Variants in EAF2 observed in about 807,000 individuals in gnomAD.
EAF2 encodes ELL-associated factor 2.
EAF2 carries 29 observed loss-of-function variants against 29.4 expected under a neutral mutation model. That is an observed-to-expected ratio of 0.99 (90% confidence interval 0.73 to 1.35). The LOEUF is 1.35. Among genes scored for constraint, EAF2 ranks in the 40% most tolerant of loss-of-function variants. The pLI, the probability that EAF2 is intolerant of heterozygous loss-of-function variation, is 0.00. For missense variants in EAF2, 292 were observed against 312.0 expected (o/e 0.94, Z 0.48); for synonymous variants, 103 against 102.5 (o/e 1.00, Z -0.03).
chr3:121,852,170 A>G (rs1206097047), intron 2 of EAF2, among the ~76,000 whole-genome samples: 1 of 152,192 alleles, frequency 6.6e-6, no homozygotes, highest in Non-Finnish European at 1.5e-5. Flanking sequence ...TTAAAAATTA[A>G]TGATTAGTTC....
intron 2 of EAF2, among the ~76,000 whole-genome samples, chr3:121,848,568 A>G (rs1246593687): frequency 6.9e-6 from 1 of 145,586 alleles, no homozygotes; most frequent in Non-Finnish European, 1.5e-5. Context: ...TTTTTGTCCC[A>G]AGAAAGGCAG....
Position 121,854,771 on chromosome 3 carries a change from G to C in EAF2, c.286G>C (p.Gly96Arg). The C allele has an allele frequency of 6.4e-7, 1 of 1,573,492 alleles. No homozygotes were observed. The highest frequency in any genetic ancestry group is 1.4e-5 in the African/African-American group (1 of 72,200). The change falls in exon 3 of 6, where the codon GGA becomes CGA. Residue 96 changes from glycine to arginine, a missense_variant. Gly to Arg is a moderately radical substitution (Grantham distance 125). Transcript: ENST00000273668. ...CATTTTGATTATTAACCATGATACT[G>C]GAGAATGTCGGCTAGAAAAACTCAG... is the stretch of plus-strand genomic sequence containing the variant. Reference protein sequence around the residue: ...ECILIINHDTGECRLEKLSSN... With the variant: ...ECILIINHDTRECRLEKLSSN...
intron 5 of EAF2, among the ~76,000 whole-genome samples, chr3:121,876,991 A>G (rs1011346067): frequency 6.6e-6 from 1 of 151,504 alleles, no homozygotes; most frequent in African/African-American, 2.4e-5. Flanking sequence ...TTGTCTAAAA[A>G]CCATATGGAA....
intron 4 of EAF2, among the ~76,000 whole-genome samples, chr3:121,872,285 A>G (rs1289406954): frequency 1.3e-5 from 2 of 152,082 alleles, no homozygotes; most frequent in East Asian, 3.9e-4. Context: ...TGTATACTTA[A>G]GTACAATGGT....
rs200869698 is a variant in EAF2, at chr3:121,857,040, G to A, written c.368G>A (p.Arg123His). The change falls in exon 4 of 6, where the codon CGT (arginine) becomes CAT (histidine). Residue 123 changes from arginine (R) to histidine (H), a missense_variant. Transcript: ENST00000273668. ...GAAGGAAGCAGTAAAATTCAGTATCGTAAAGAACAACAGCAACAACAAATG... is the reference window on the plus strand; with the variant it reads ...GAAGGAAGCAGTAAAATTCAGTATCATAAAGAACAACAGCAACAACAAATG... ...RVEGSSKIQY[R>H]KEQQQQQMWN... 2.9e-5 allele frequency: 46 copies of A among 1,613,170 alleles called. No individual in the cohort carries two copies. The highest frequency in any genetic ancestry group is 8.8e-5 in the South Asian group (8 of 90,966).
intron 3 of EAF2, among the ~76,000 whole-genome samples, chr3:121,855,055 T>C (rs947674653): frequency 1.3e-5 from 2 of 152,198 alleles, no homozygotes; most frequent in African/African-American, 4.8e-5. Context: ...TCTATAGGTA[T>C]AGGTACACTT....
At position 121,854,782 on chromosome 3, in the gene EAF2, G is replaced by T. The variant is rs1261479804; in HGVS notation, c.297G>T (p.Arg99=). 3 of 1,572,268 alleles carry T rather than the reference G, an allele frequency of 1.9e-6. No homozygotes were observed. Among genetic ancestry groups the T allele is most frequent in the Non-Finnish European group, 2.6e-6 (3 of 1,169,032 alleles). ...LIINHDTGEC[R]LEKLSSNITV... ...TTAACCATGATACTGGAGAATGTCG[G>T]CTAGAAAAACTCAGCAGCAACATCA... The change falls in exon 3 of 6, where the codon CGG becomes CGT. Residue 99 remains arginine (R), a synonymous_variant. Coordinates refer to ENST00000273668, the MANE Select transcript of EAF2 (RefSeq NM_018456.6).
intron 5 of EAF2, 91 bp downstream of exon 5, chr3:121,872,879 A>G (rs1374953044): frequency 2.7e-6 from 4 of 1,498,260 alleles, no homozygotes; most frequent in Non-Finnish European, 3.6e-6. Context: ...AAAGAAAAAG[A>G]TTCCTATTTT....
At chr3:121,855,813 G>A (rs949371714) in intron 3 of EAF2, among the ~76,000 whole-genome samples, 2 of 152,184 alleles carry the variant, frequency 1.3e-5, no homozygotes, top group Admixed American at 1.3e-4. Flanking sequence ...GTTGAGGTTA[G>A]TGCCATCAAT....
intron 4 of EAF2, among the ~76,000 whole-genome samples, chr3:121,865,263 T>TAAAAAAGTTA (rs1457663882): frequency 6.6e-6 from 1 of 150,870 alleles, no homozygotes; most frequent in African/African-American, 2.5e-5. Context: ...TTGTAAAAAT[T>TAAAAAAGTTA]AAAAGTTAAA....
rs750477617 is a variant in EAF2, at chr3:121,872,712, A to T, written c.660A>T (p.Thr220=). 29 of 1,612,752 alleles carry T rather than the reference A, an allele frequency of 1.8e-5. 1 individual carries two copies. The highest frequency in any genetic ancestry group is 1.5e-4 in the South Asian group (14 of 91,034). ...GTGTCTCAGGACATCCTACCATGACACAGTACAGGATTCCTGATATAGATG... is the reference window on the plus strand; with the variant it reads ...GTGTCTCAGGACATCCTACCATGACTCAGTACAGGATTCCTGATATAGATG... ...GNCVSGHPTM[T]QYRIPDIDAS... The change falls in exon 5 of 6, where the codon ACA becomes ACT. Residue 220 remains threonine (T), a synonymous_variant. Transcript: ENST00000273668.
At chr3:121,861,535 C>G (rs1017815696) in intron 4 of EAF2, among the ~76,000 whole-genome samples, 2 of 152,074 alleles carry the variant, frequency 1.3e-5, no homozygotes, top group Admixed American at 6.5e-5. Flanking sequence ...AGATCTTCCT[C>G]CATCCCTTTA....
At chr3:121,841,715 A>C (rs1708436304) in intron 1 of EAF2, among the ~76,000 whole-genome samples, 1 of 151,562 alleles carries the variant, frequency 6.6e-6, no homozygotes, top group Non-Finnish European at 1.5e-5. Flanking sequence ...TTTACTAAAA[A>C]TATAAAAAAT....
chr3:121,837,880 C>T (rs1395710234), intron 1 of EAF2: 1 of 152,136 alleles, frequency 6.6e-6, no homozygotes, highest in East Asian at 1.9e-4. Context: ...ATAACAGGAC[C>T]TACTAGAATC....
At chr3:121,884,699 A>G (rs1709253023) in intron 5 of EAF2, among the ~76,000 whole-genome samples, 1 of 123,880 alleles carries the variant, frequency 8.1e-6, no homozygotes, top group Non-Finnish European at 1.8e-5. Context: ...TGCTGGGATT[A>G]CAGGCGTGAG....
At chr3:121,883,207 C>A (rs13100245) in intron 5 of EAF2, among the ~76,000 whole-genome samples, 128,800 of 152,112 alleles carry the variant, frequency 0.85, 55,030 homozygotes, top group East Asian at 0.92. Context: ...AACAATTTTT[C>A]TTTTTATTTA....
At chr3:121,862,344 G>A (rs12631652) in intron 4 of EAF2, among the ~76,000 whole-genome samples, 22,237 of 151,988 alleles carry the variant, frequency 0.15, 2,028 homozygotes, top group African/African-American at 0.25. Context: ...ACATTGTCCC[G>A]TATTCCTGGA....
At chr3:121,869,886 C>T (rs1036006150) in intron 4 of EAF2, among the ~76,000 whole-genome samples, 2 of 151,706 alleles carry the variant, frequency 1.3e-5, no homozygotes, top group Non-Finnish European at 2.9e-5. Context: ...AAGACCCTAT[C>T]TAAAAAGAAG....
At chr3:121,879,251 G>A (rs1312247453) in intron 5 of EAF2, among the ~76,000 whole-genome samples, 2 of 152,090 alleles carry the variant, frequency 1.3e-5, no homozygotes, top group Non-Finnish European at 2.9e-5. Context: ...TTTGGCCATT[G>A]AGTTGTTTGA....
Sources: gnomAD v4.1 joint callset for allele counts (sites outside exome capture counted in the v4.1 genomes callset) on GRCh38, gnomAD v4.1.1 for gene constraint, MANE v1.5 for transcripts, NCBI Gene and HGNC (gene_info 2026-07-23, HGNC 2026-07-21) for gene names.